AP1B1: variants seen among roughly 807,000 people sequenced by gnomAD.
AP1B1 encodes AP-1 complex subunit beta-1.
AP1B1 carries 36 observed loss-of-function variants against 104.3 expected under a neutral mutation model. The ratio of observed to expected loss-of-function variants is 0.35; its 90% CI spans 0.26 to 0.46. The LOEUF (loss-of-function observed/expected upper bound fraction) is 0.46. Ranked by LOEUF, AP1B1 falls within the 20% of genes least tolerant of loss-of-function variation. The pLI is 1.00. For missense variants in AP1B1, 901 were observed against 1,247.9 expected (o/e 0.72, Z 4.19); for synonymous variants, 504 against 517.5 (o/e 0.97, Z 0.35).
In AP1B1 at chr22:29,358,839, G is replaced by A. The variant is rs756047868; in HGVS notation, c.412C>T (p.Arg138Cys). Residue 138 changes from arginine (R) to cysteine (C), a missense_variant, in exon 5 of 23, where the codon CGC becomes TGC. This residue lies in a region of AP1B1 where 471 missense variants were observed against 696.7 expected (regional missense o/e 0.68). Coordinates refer to ENST00000357586, the MANE Select transcript of AP1B1 (RefSeq NM_001127.4). ...KCLKDEDPYV[R>C]KTAAVCVAKL... ...GCCACGCACACAGCTGCTGTCTTGC[G>A]CACATATGGATCCTCGTCCTTCAGG... 5.6e-6 allele frequency: 9 copies of A among 1,614,118 alleles called. No individual in the cohort carries two copies. Among genetic ancestry groups the A allele is most frequent in the African/African-American group, 1.3e-5 (1 of 74,948 alleles).
intron 17 of AP1B1, among the ~76,000 whole-genome samples, chr22:29,333,957 C>T (rs528704745): frequency 6.6e-6 from 1 of 152,116 alleles, no homozygotes; most frequent in East Asian, 1.9e-4. Context: ...CCCAGTTACT[C>T]GGGAGGCTGA....
At chr22:29,373,803 G>A (rs2062283910) in intron 1 of AP1B1, among the ~76,000 whole-genome samples, 1 of 151,758 alleles carries the variant, frequency 6.6e-6, no homozygotes, top group Non-Finnish European at 1.5e-5. Context: ...ATGGGAGGCT[G>A]AAGCACAAGA....
Position 29,330,491 on chromosome 22 carries a change from C to T in AP1B1, c.2653G>A (p.Val885Ile), listed in dbSNP as rs2061540508. ...TGGCCCTCCACGTTCCTCTTGGCGA[C>T]AGTGAAGATGTTGCTGCTCTGCAGC... ...SKLQSSNIFTVAKRNVEGQDM... is the reference protein window; with the variant it reads ...SKLQSSNIFTIAKRNVEGQDM... Residue 885 changes from valine to isoleucine, a missense_variant, in exon 21 of 23, where the codon GTC becomes ATC. Physicochemically the swap from Val to Ile is conservative, Grantham distance 29. This residue lies in a region of AP1B1 where 424 missense variants were observed against 494.0 expected (regional missense o/e 0.86). Coordinates refer to ENST00000357586, the MANE Select transcript of AP1B1 (RefSeq NM_001127.4). 3 of 1,613,208 alleles carry T rather than the reference C, an allele frequency of 1.9e-6. No individual in the cohort carries two copies. The highest frequency in any genetic ancestry group is 2.7e-5 in the African/African-American group (2 of 75,064).
chr22:29,335,044 A>G (rs78825189), intron 16 of AP1B1, among the ~76,000 whole-genome samples: 2,945 of 152,284 alleles, frequency 0.019, 31 homozygotes, highest in South Asian at 0.045. Context: ...CAGTGATGTT[A>G]TGGCAGATAA....
In AP1B1 at chr22:29,330,660, C is replaced by T. The variant is rs1373771668; in HGVS notation, c.2574G>A (p.Glu858=). Residue 858 remains glutamate (E), a synonymous_variant, in exon 20 of 23, where the codon GAG becomes GAA. Transcript: ENST00000357586. The part of the protein sequence containing the change: ...ATWKDIPNEN[E]AQFQIRDCPL... ...GGCAGTCTCTGATCTGGAACTGGGC[C>T]TCATTCTCATTGGGAATATCCTTCC... The T allele has an allele frequency of 6.2e-7, 1 of 1,613,918 alleles. No homozygotes were observed. The highest frequency in any genetic ancestry group is 8.5e-7 in the Non-Finnish European group (1 of 1,180,018).
intron 19 of AP1B1, among the ~76,000 whole-genome samples, 192 bp downstream of exon 19, chr22:29,331,257 C>G (rs1329711359): frequency 6.6e-6 from 1 of 152,258 alleles, no homozygotes; most frequent in East Asian, 1.9e-4. Context: ...CCTGCCAGAC[C>G]AGAACTGGCC....
intron 1 of AP1B1, among the ~76,000 whole-genome samples, chr22:29,382,648 T>G (rs1183920115): frequency 6.6e-6 from 1 of 151,992 alleles, no homozygotes; most frequent in East Asian, 1.9e-4. Context: ...AGTTAAAATT[T>G]AACTAGGGTG....
intron 7 of AP1B1, 121 bp from the exon 8 acceptor site, chr22:29,351,946 CAG>C (rs893965577): frequency 9.8e-6 from 13 of 1,326,724 alleles, no homozygotes; most frequent in Non-Finnish European, 1.3e-5. Flanking sequence ...TCTGTGAAGG[CAG>C]AGTCACTGCC....
rs2061960890 is a variant in AP1B1, at chr22:29,356,532, T to C, written c.610A>G (p.Ile204Val). 6.2e-7 allele frequency: 1 copy of C among 1,614,198 alleles called. No homozygotes were observed. Among genetic ancestry groups the C allele is most frequent in the Non-Finnish European group, 8.5e-7 (1 of 1,180,026 alleles). ...TTGAGGGCTGTCAGCAGCTTGTTGATGGACTGTGGGTTCAGATCGAGCAGG... is the reference window on the plus strand; with the variant it reads ...TTGAGGGCTGTCAGCAGCTTGTTGACGGACTGTGGGTTCAGATCGAGCAGG... ...SNLLDLNPQS[I>V]NKLLTALNEC... The change falls in exon 6 of 23, where the codon ATC (isoleucine) becomes GTC (valine). Residue 204 changes from isoleucine to valine, a missense_variant. Physicochemically the swap from Ile to Val is conservative, Grantham distance 29. This residue lies in a region of AP1B1 where 471 missense variants were observed against 696.7 expected (regional missense o/e 0.68). Transcript: ENST00000357586.
At chr22:29,383,163 T>C (rs2062463849) in intron 1 of AP1B1, among the ~76,000 whole-genome samples, 1 of 152,208 alleles carries the variant, frequency 6.6e-6, no homozygotes, top group Non-Finnish European at 1.5e-5. Flanking sequence ...GAATGAATAC[T>C]GGACTTAGAA....
intron 2 of AP1B1, among the ~76,000 whole-genome samples, chr22:29,365,880 T>C (rs2062127781): frequency 6.6e-6 from 1 of 151,808 alleles, no homozygotes; most frequent in Non-Finnish European, 1.5e-5. Flanking sequence ...TACACTTCAG[T>C]GTGGTTACTA....
chr22:29,332,570 T>A (rs147960508), intron 17 of AP1B1, among the ~76,000 whole-genome samples: 99 of 152,326 alleles, frequency 6.5e-4, no homozygotes, highest in Admixed American at 9.8e-4. Flanking sequence ...TCGGTATACC[T>A]GGGCTGCGGA....
intron 14 of AP1B1, 106 bp from the exon 15 acceptor site, chr22:29,339,880 T>A: frequency 5.7e-5 from 56 of 990,614 alleles, no homozygotes; most frequent in Non-Finnish European, 8.2e-5. Context: ...AGAGGGAGAT[T>A]AGTCAACGGT....
chr22:29,334,548 G>T, intron 16 of AP1B1, 138 bp from the exon 17 acceptor site: 1 of 946,648 alleles, frequency 1.1e-6, no homozygotes. Flanking sequence ...TTTACTGCTA[G>T]GGGATGAACA....
intron 1 of AP1B1, among the ~76,000 whole-genome samples, 199 bp from the exon 2 acceptor site, chr22:29,367,469 T>A (rs1409053753): frequency 6.6e-6 from 1 of 151,438 alleles, no homozygotes; most frequent in Admixed American, 6.6e-5. Context: ...AACCTTTTTT[T>A]TTTTTTTTTC....
rs1340172549 is a variant in AP1B1, at chr22:29,359,942, A to C, written c.161T>G (p.Val54Gly). 6.2e-7 allele frequency: 1 copy of C among 1,613,244 alleles called. No homozygotes were observed. Among genetic ancestry groups the C allele is most frequent in the Admixed American group, 1.7e-5 (1 of 59,946 alleles). ...GKDVSALFPD[V>G]VNCMQTDNLE... ...GTTGTCCGTCTGCATGCAGTTGACCACATCGGGGAAGAGGGCACTGGAAGG... is the reference window on the plus strand; with the variant it reads ...GTTGTCCGTCTGCATGCAGTTGACCCCATCGGGGAAGAGGGCACTGGAAGG... The change falls in exon 4 of 23, where the codon GTG becomes GGG. Residue 54 changes from valine to glycine, a missense_variant. By Grantham distance (109) the Val-to-Gly change is moderately radical (BLOSUM62 -3). Coordinates refer to ENST00000357586, the MANE Select transcript of AP1B1 (RefSeq NM_001127.4).
intron 9 of AP1B1, 121 bp downstream of exon 9, chr22:29,351,050 G>A (rs1232020525): frequency 1.1e-6 from 1 of 918,348 alleles, no homozygotes; most frequent in African/African-American, 1.7e-5. Flanking sequence ...GGGCTCCAGT[G>A]ATGAGCCTCA....
In AP1B1 at chr22:29,338,976, G is replaced by A. The variant is rs775016989; in HGVS notation, c.2163+14C>T. On this transcript the variant is annotated intron_variant, in intron 16 of 22. Coordinates refer to ENST00000357586, the MANE Select transcript of AP1B1 (RefSeq NM_001127.4). ...TCTCTCTGCTCCCGCCAAGACAGAA[G>A]ACAAGTGACTTACTGCTTTGGGGGC... 9.9e-6 allele frequency: 16 copies of A among 1,614,012 alleles called. No homozygotes were observed. The highest frequency in any genetic ancestry group is 1.4e-5 in the Non-Finnish European group (16 of 1,179,972).
chr22:29,377,819 A>G (rs2062371016), intron 1 of AP1B1, among the ~76,000 whole-genome samples: 1 of 152,052 alleles, frequency 6.6e-6, no homozygotes, highest in Admixed American at 6.6e-5. Context: ...TCAAAAAAAA[A>G]AAAAAAAAGT....
Sources: gnomAD v4.1 joint callset for allele counts (sites outside exome capture counted in the v4.1 genomes callset) on GRCh38, gnomAD v4.1.1 for gene constraint, gnomAD v4.1.1 regional missense constraint, MANE v1.5 for transcripts, NCBI Gene and HGNC (gene_info 2026-07-23, HGNC 2026-07-21) for gene names.